PAMR1: variants seen among roughly 807,000 people sequenced by gnomAD.
PAMR1 encodes peptidase domain containing associated with muscle regeneration 1.
In PAMR1, 88 loss-of-function variants were observed where a neutral mutation model predicts 81.8. The observed-to-expected ratio is 1.08, with a 90% CI of 0.91 to 1.28. The LOEUF (loss-of-function observed/expected upper bound fraction) is 1.28, where lower values mean the gene tolerates loss of function less well. Ranked by LOEUF, PAMR1 falls within the 50% of genes most tolerant of loss-of-function variation. The pLI, the probability that PAMR1 is intolerant of heterozygous loss-of-function variation, is 0.00. For synonymous variants in PAMR1, 336 were observed against 345.3 expected, an observed-to-expected ratio of 0.97 and a Z score of 0.30; for missense variants, 935 against 919.7, an observed-to-expected ratio of 1.02 and a Z score of -0.21.
At chr11:35,456,913 G>A (rs1455652298) in intron 6 of PAMR1, among the ~76,000 whole-genome samples, 1 of 152,120 alleles carries the variant, frequency 6.6e-6, no homozygotes, top group East Asian at 1.9e-4. Context: ...TCAATTCTTA[G>A]ATCTAACTTT....
chr11:35,508,516 A>ATTTTTT (rs59836040), intron 1 of PAMR1, among the ~76,000 whole-genome samples: 77 of 98,018 alleles, frequency 7.9e-4, no homozygotes, highest in Non-Finnish European at 9.8e-4. Context: ...AGGAACCTCC[A>ATTTTTT]TTTTTTTTTT....
At chr11:35,508,248 G>A (rs1851009059) in intron 1 of PAMR1, among the ~76,000 whole-genome samples, 2 of 152,186 alleles carry the variant, frequency 1.3e-5, no homozygotes, top group African/African-American at 4.8e-5. Flanking sequence ...TTCCAGTGTA[G>A]AAACCATGAG....
At chr11:35,447,510 A>C (rs901877849) in intron 6 of PAMR1, among the ~76,000 whole-genome samples, 2 of 151,860 alleles carry the variant, frequency 1.3e-5, no homozygotes, top group African/African-American at 4.8e-5. Context: ...GCCTTCCTCC[A>C]TCCTTTTATT....
intron 3 of PAMR1, among the ~76,000 whole-genome samples, chr11:35,485,495 T>A (rs1259636873): frequency 6.6e-6 from 1 of 152,178 alleles, no homozygotes; most frequent in Non-Finnish European, 1.5e-5. Flanking sequence ...ACTAAACCAA[T>A]CTTTCCTGGG....
At chr11:35,525,814 G>T, upstream of PAMR1, 1 of 577,212 alleles carries the variant, frequency 1.7e-6, no homozygotes, top group Non-Finnish European at 3.1e-6. Context: ...GGGGCCCCGG[G>T]AGGTGTGGCC....
chr11:35,448,261 T>C lies in PAMR1; in HGVS notation c.821-6568A>G, dbSNP rs1165495742. Reference sequence around the variant, plus strand: ...TTTTCTAGCATGGCTCCATTCTCCCTGTCTCTTTCAGGTACCCCAATCAGG... The same window carrying C: ...TTTTCTAGCATGGCTCCATTCTCCCCGTCTCTTTCAGGTACCCCAATCAGG... On this transcript the variant is annotated intron_variant, in intron 6 of 10. Transcript: ENST00000619888. 2.0e-5 allele frequency among the ~76,000 whole-genome samples: 3 copies of C among 152,350 alleles called. No homozygotes were observed. In the East Asian group the frequency reaches 5.8e-4, roughly 29 times the overall value.
intron 1 of PAMR1, among the ~76,000 whole-genome samples, chr11:35,500,495 G>C (rs978224369): frequency 6.6e-6 from 1 of 152,126 alleles, no homozygotes; most frequent in Non-Finnish European, 1.5e-5. Context: ...TTGGTCAAAC[G>C]ACCCCACAAA....
chr11:35,527,740 TC>T (rs1206468046), upstream of PAMR1, among the ~76,000 whole-genome samples: 1 of 152,112 alleles, frequency 6.6e-6, no homozygotes, highest in Non-Finnish European at 1.5e-5. Flanking sequence ...GATTCTACCT[TC>T]CTCAGGTTTC....
chr11:35,476,297 C>T (rs11033142), intron 3 of PAMR1, among the ~76,000 whole-genome samples: 47,016 of 151,926 alleles, frequency 0.31, 7,638 homozygotes, highest in African/African-American at 0.41. Context: ...TTTGGCTGTG[C>T]CCCCACCCAA....
chr11:35,486,027 T>A (rs1178118026), intron 3 of PAMR1, among the ~76,000 whole-genome samples: 1 of 152,192 alleles, frequency 6.6e-6, no homozygotes, highest in Non-Finnish European at 1.5e-5. Context: ...TACTTCTTCC[T>A]ATGAATTCCC....
At chr11:35,528,105 A>AC (rs1395823650), upstream of PAMR1, among the ~76,000 whole-genome samples, 1 of 152,084 alleles carries the variant, frequency 6.6e-6, no homozygotes, top group Non-Finnish European at 1.5e-5. Flanking sequence ...TAAGTGATGA[A>AC]CCTGAAGGAT....
At chr11:35,455,652 T>A (rs1856513249) in intron 6 of PAMR1, among the ~76,000 whole-genome samples, 1 of 152,192 alleles carries the variant, frequency 6.6e-6, no homozygotes, top group African/African-American at 2.4e-5. Context: ...CTTTCAGAAG[T>A]CCAGCATGTC....
chr11:35,457,810 T>A (rs1294750749), intron 6 of PAMR1, among the ~76,000 whole-genome samples: 2 of 152,190 alleles, frequency 1.3e-5, no homozygotes, highest in East Asian at 3.8e-4. Flanking sequence ...CTGAATGATG[T>A]TCAGAAACTC....
At chr11:35,511,263 G>A (rs1443870572) in intron 1 of PAMR1, among the ~76,000 whole-genome samples, 1 of 152,236 alleles carries the variant, frequency 6.6e-6, no homozygotes, top group African/African-American at 2.4e-5. Flanking sequence ...CCCTCAAACA[G>A]CAGGGGCTTA....
intron 1 of PAMR1, among the ~76,000 whole-genome samples, chr11:35,520,440 G>A (rs1044553658): frequency 2.6e-5 from 4 of 152,154 alleles, no homozygotes; most frequent in African/African-American, 7.2e-5. Flanking sequence ...TTAATCTAAA[G>A]CTCTCGCCCA....
intron 5 of PAMR1, among the ~76,000 whole-genome samples, chr11:35,470,025 T>C (rs1370819784): frequency 1.3e-5 from 2 of 152,210 alleles, no homozygotes; most frequent in African/African-American, 2.4e-5. Context: ...ATACCTATTT[T>C]ATAGGTGGCA....
intron 1 of PAMR1, among the ~76,000 whole-genome samples, chr11:35,503,201 C>G (rs1850886511): frequency 6.6e-6 from 1 of 151,204 alleles, no homozygotes; most frequent in Non-Finnish European, 1.5e-5. Flanking sequence ...GTCTATGTGT[C>G]TACTATTATG....
chr11:35,455,003 AAGTCTGGGGCAC>A (rs2135359783), intron 6 of PAMR1, among the ~76,000 whole-genome samples: 1 of 152,344 alleles, frequency 6.6e-6, no homozygotes, highest in African/African-American at 2.4e-5. Flanking sequence ...ACCTTTTTAC[AAGTCTGGGGCAC>A]AGAGGAGGTC....
chr11:35,468,176 G>T, intron 5 of PAMR1, 68 bp from the exon 6 acceptor site: 2 of 908,622 alleles, frequency 2.2e-6, no homozygotes, highest in South Asian at 3.3e-5. Flanking sequence ...CCAGAGTCTT[G>T]ACCAAAGTCT....
Sources: allele counts gnomAD v4.1 joint callset (sites outside exome capture counted in the v4.1 genomes callset), GRCh38; gene constraint gnomAD v4.1.1; transcripts MANE v1.5; gene names NCBI Gene and HGNC (gene_info 2026-07-23, HGNC 2026-07-21).